The following IQGAP2 variants were observed in gnomAD, a reference collection of about 807,000 sequenced individuals.
IQGAP2 encodes ras GTPase-activating-like protein IQGAP2.
In IQGAP2, 173 loss-of-function variants were observed where a neutral mutation model predicts 201.3. That is an observed-to-expected ratio of 0.86 (90% CI 0.76 to 0.98). The LOEUF (loss-of-function observed/expected upper bound fraction) is 0.98, where lower values mean the gene tolerates loss of function less well. Among genes scored for constraint, IQGAP2 ranks in the 50% least tolerant of loss-of-function variants. The pLI is 0.00. For missense variants in IQGAP2, 1,687 were observed against 1,864.8 expected (o/e 0.90, Z 1.76); for synonymous variants, 675 against 673.9 (o/e 1.00, Z -0.03).
chr5:76,428,442 T>C (rs1305593338), intron 1 of IQGAP2, among the ~76,000 whole-genome samples: 8 of 150,418 alleles, frequency 5.3e-5, no homozygotes, highest in South Asian at 2.1e-4. Context: ...TTTTTCTTTT[T>C]TTTTTTTTTT....
intron 13 of IQGAP2, among the ~76,000 whole-genome samples, chr5:76,619,173 A>G (rs1160704628): frequency 6.6e-6 from 1 of 152,180 alleles, no homozygotes; most frequent in Non-Finnish European, 1.5e-5. Flanking sequence ...CAGTGGTGTA[A>G]AGTTTTAAAT....
chr5:76,683,229 T>C lies in IQGAP2; in HGVS notation c.3763+12T>C. 6.3e-7 allele frequency: 1 copy of C among 1,583,486 alleles called. No homozygotes were observed. The highest frequency in any genetic ancestry group is 1.4e-5 in the African/African-American group (1 of 73,960). ...GGAATCTTTTCTTGGTAAGAGCTTG[T>C]TCCTTCTACTTATCCCTTGGTTTTT... On this transcript the variant is annotated intron_variant, in intron 29 of 35. Transcript: ENST00000274364.
At chr5:76,479,864 G>C (rs1755670639) in intron 2 of IQGAP2, among the ~76,000 whole-genome samples, 1 of 152,104 alleles carries the variant, frequency 6.6e-6, no homozygotes, top group South Asian at 2.1e-4. Context: ...ATAAACTCAT[G>C]TGTGTGGTGT....
intron 18 of IQGAP2, 59 bp downstream of exon 18, chr5:76,652,892 G>A: frequency 9.0e-7 from 1 of 1,115,018 alleles, no homozygotes; most frequent in Non-Finnish European, 1.4e-6. Flanking sequence ...CTCATTTCAT[G>A]TTTAATCTGA....
intron 1 of IQGAP2, among the ~76,000 whole-genome samples, chr5:76,439,829 G>A (rs1752931996): frequency 6.6e-6 from 1 of 152,100 alleles, no homozygotes; most frequent in African/African-American, 2.4e-5. Context: ...TTTAAGTGGA[G>A]CATTTAGGCT....
chr5:76,590,685 G>T (rs1392002425), intron 8 of IQGAP2, 99 bp downstream of exon 8: 1 of 909,158 alleles, frequency 1.1e-6, no homozygotes, highest in East Asian at 2.6e-5. Context: ...AAATCAATTG[G>T]CTATTTTCTC....
intron 17 of IQGAP2, among the ~76,000 whole-genome samples, chr5:76,643,503 G>C (rs868801574): frequency 6.6e-6 from 1 of 152,138 alleles, no homozygotes; most frequent in Non-Finnish European, 1.5e-5. Flanking sequence ...TCAAGTGCTT[G>C]ATAAACTTTA....
chr5:76,514,185 G>A (rs1050248107), intron 2 of IQGAP2, among the ~76,000 whole-genome samples: 37 of 151,650 alleles, frequency 2.4e-4, no homozygotes, highest in African/African-American at 7.5e-4. Flanking sequence ...CAACACAACC[G>A]GCTAATTTTT....
intron 32 of IQGAP2, among the ~76,000 whole-genome samples, chr5:76,696,197 T>A (rs1746728683): frequency 6.6e-6 from 1 of 152,178 alleles, no homozygotes; most frequent in Non-Finnish European, 1.5e-5. Flanking sequence ...ACTTGACAAG[T>A]TTGGTCTATA....
chr5:76,622,643 A>C (rs1189755116), intron 13 of IQGAP2, among the ~76,000 whole-genome samples: 2 of 152,232 alleles, frequency 1.3e-5, no homozygotes, highest in Non-Finnish European at 2.9e-5. Context: ...AAAATTAAAA[A>C]ATCATATATG....
At chr5:76,630,453 C>T (rs463272) in intron 14 of IQGAP2, among the ~76,000 whole-genome samples, 142,025 of 152,186 alleles carry the variant, frequency 0.93, 66,519 homozygotes, top group Middle Eastern at 0.97. Context: ...TTTTAGAGTT[C>T]CATCGAAAAT....
chr5:76,683,237 A>T lies in IQGAP2; in HGVS notation c.3763+20A>T. 6.4e-7 allele frequency: 1 copy of T among 1,564,346 alleles called. No homozygotes were observed. The highest frequency in any genetic ancestry group is 8.7e-7 in the Non-Finnish European group (1 of 1,143,684). On this transcript the variant is annotated intron_variant, in intron 29 of 35. Transcript: ENST00000274364. ...TTCTTGGTAAGAGCTTGTTCCTTCT[A>T]CTTATCCCTTGGTTTTTGTTTAATT...
chr5:76,624,140 G>A (rs760459951), intron 13 of IQGAP2, among the ~76,000 whole-genome samples: 3 of 151,964 alleles, frequency 2.0e-5, no homozygotes, highest in Non-Finnish European at 2.9e-5. Flanking sequence ...TAAAATATAC[G>A]TAACATAAAA....
intron 2 of IQGAP2, among the ~76,000 whole-genome samples, chr5:76,494,343 G>T (rs778461430): frequency 6.6e-6 from 1 of 152,254 alleles, no homozygotes; most frequent in African/African-American, 2.4e-5. Context: ...TATTAGAAAC[G>T]ATTTGTAATC....
At chr5:76,551,059 GC>G (rs1246487900) in intron 2 of IQGAP2, among the ~76,000 whole-genome samples, 2 of 151,490 alleles carry the variant, frequency 1.3e-5, no homozygotes, top group African/African-American at 4.9e-5. Flanking sequence ...CGGGGTGGCT[GC>G]CGGGCGGAGG....
rs1750624781 is a variant in IQGAP2 at position 76,403,533 on chromosome 5, G to A, written c.-13G>A. 13 of 1,499,728 alleles carry A rather than the reference G, an allele frequency of 8.7e-6. No individual in the cohort carries two copies. The highest frequency in any genetic ancestry group is 2.3e-5 in the Admixed American group (1 of 44,108). 92.9% of individuals were successfully genotyped at this position (1,499,728 alleles called of 1,614,324 possible). On this transcript the variant is annotated 5_prime_UTR_variant, in exon 1 of 36. Coordinates refer to ENST00000274364, the MANE Select transcript of IQGAP2 (RefSeq NM_006633.5). The surrounding 1 kb of genome is among the most constrained non-coding windows in gnomAD (Gnocchi z 4.8). ...GGGGGCGCGCCCCGGGCGGGCCCCC[G>A]GAGACGCGCAGGATGCCACACGAAG...
chr5:76,572,151 T>C (rs771380921), intron 4 of IQGAP2, among the ~76,000 whole-genome samples: 15 of 152,192 alleles, frequency 9.9e-5, no homozygotes, highest in Non-Finnish European at 8.8e-5. Flanking sequence ...ACTCTGTATA[T>C]GGTCCTTGAG....
chr5:76,636,993 T>A, intron 15 of IQGAP2, 41 bp from the exon 16 acceptor site: 1 of 1,504,150 alleles, frequency 6.6e-7, no homozygotes, highest in Non-Finnish European at 9.0e-7. Context: ...GTTTAAGGGT[T>A]CACTGTGTCT....
At chr5:76,489,436 TACATGCAG>T (rs1346408936) in intron 2 of IQGAP2, among the ~76,000 whole-genome samples, 2 of 152,122 alleles carry the variant, frequency 1.3e-5, no homozygotes, top group Non-Finnish European at 2.9e-5. Flanking sequence ...TGACCTCTTC[TACATGCAG>T]TCTTTTTTGT....
Sources: allele counts gnomAD v4.1 joint callset (sites outside exome capture counted in the v4.1 genomes callset), GRCh38; gene constraint gnomAD v4.1.1; non-coding constraint Gnocchi (gnomAD v3.1); transcripts MANE v1.5; gene names NCBI Gene and HGNC (gene_info 2026-07-23, HGNC 2026-07-21).